Variants in LRRFIP2 observed in about 807,000 individuals in gnomAD.
LRRFIP2 encodes the protein LRR binding FLII interacting protein 2, also known as leucine-rich repeat flightless-interacting protein 2.
In LRRFIP2, 109 loss-of-function variants were observed where a neutral mutation model predicts 125.9. That is an observed-to-expected ratio of 0.87 (90% CI 0.74 to 1.01). LRRFIP2 has a LOEUF of 1.01. Among genes scored for constraint, LRRFIP2 ranks in the 50% least tolerant of loss-of-function variants. The pLI, the probability that LRRFIP2 is intolerant of heterozygous loss-of-function variation, is 0.00. For missense variants in LRRFIP2, 850 were observed against 862.3 expected (o/e 0.99, Z 0.18); for synonymous variants, 291 against 293.1 (o/e 0.99, Z 0.07).
At chr3:37,056,874 C>G (rs2087041115) in intron 25 of LRRFIP2, among the ~76,000 whole-genome samples, 1 of 152,210 alleles carries the variant, frequency 6.6e-6, no homozygotes, top group Non-Finnish European at 1.5e-5. Context: ...TTATCCTCAG[C>G]AATCTATTGA....
chr3:37,106,243 CAG>C (rs1275455069), intron 13 of LRRFIP2, among the ~76,000 whole-genome samples: 3 of 152,172 alleles, frequency 2.0e-5, no homozygotes, highest in African/African-American at 7.2e-5. Flanking sequence ...AAGTCAATGA[CAG>C]AAATTCCTAC....
chr3:37,072,700 C>CA, intron 21 of LRRFIP2, 90 bp downstream of exon 21: 1 of 751,336 alleles, frequency 1.3e-6, no homozygotes, highest in Non-Finnish European at 2.2e-6. Flanking sequence ...CAAGAAGAAT[C>CA]AAAAGGACAG....
chr3:37,072,402 T>G (rs996684206), intron 21 of LRRFIP2, among the ~76,000 whole-genome samples: 4 of 147,612 alleles, frequency 2.7e-5, no homozygotes, highest in Non-Finnish European at 5.9e-5. Context: ...CTCGGGAGGC[T>G]GAGGCAGGAG....
chr3:37,100,445 T>A (rs2149301281), intron 15 of LRRFIP2, among the ~76,000 whole-genome samples: 1 of 152,036 alleles, frequency 6.6e-6, no homozygotes, highest in Middle Eastern at 3.4e-3. Flanking sequence ...CACATGTGTG[T>A]GTCTGTGTGT....
chr3:37,162,697 A>G (rs1013224665), intron 1 of LRRFIP2, among the ~76,000 whole-genome samples: 2 of 152,204 alleles, frequency 1.3e-5, no homozygotes, highest in African/African-American at 4.8e-5. Context: ...GGCAAAAGGG[A>G]ACCTCCAGAA....
chr3:37,055,570 C>CA lies in LRRFIP2; in HGVS notation c.1871-406dup, dbSNP rs201347333. On this transcript the variant is annotated intron_variant, in intron 25 of 27. Transcript: ENST00000336686. ...ACAGAGCGATACTCCGTCCCCCTGC[C>CA]AAAAAAAAATTACAAAATACAAATG... 1.5e-3 allele frequency among the ~76,000 whole-genome samples: 223 copies of CA among 150,920 alleles called. 2 individuals carry two copies. The highest frequency in any genetic ancestry group is 8.9e-3 in the Admixed American group (134 of 15,106).
intron 19 of LRRFIP2, among the ~76,000 whole-genome samples, chr3:37,081,638 C>T (rs1163771792): frequency 2.6e-5 from 4 of 152,038 alleles, no homozygotes; most frequent in Non-Finnish European, 5.9e-5. Flanking sequence ...AATCTCAGCA[C>T]TGTGGGAAGC....
At chr3:37,156,114 A>G (rs892120695) in intron 1 of LRRFIP2, among the ~76,000 whole-genome samples, 2 of 152,034 alleles carry the variant, frequency 1.3e-5, no homozygotes, top group Non-Finnish European at 2.9e-5. Context: ...GGCTCGAGCA[A>G]TCCACCTGCC....
chr3:37,066,567 A>C (rs967432896), intron 21 of LRRFIP2: 7 of 448,850 alleles, frequency 1.6e-5, no homozygotes, highest in African/African-American at 1.4e-4. Context: ...AACATGTTTA[A>C]TCACATCAAG....
At position 37,054,410 on chromosome 3, in the gene LRRFIP2, C is replaced by G; in HGVS notation, c.2055+1G>C. ...TCCAAGAAACATATTAAAAGAAGTA[C>G]CTCTCGTTGTAGCTTCCGTTTTTCT... is the stretch of plus-strand genomic sequence containing the variant. On this transcript the variant is annotated splice_donor_variant, in intron 27 of 27. Transcript: ENST00000336686. LOFTEE classifies it high-confidence loss of function. The G allele has an allele frequency of 1.2e-6, 2 of 1,607,424 alleles. No individual in the cohort carries two copies. The highest frequency in any genetic ancestry group is 1.7e-6 in the Non-Finnish European group (2 of 1,174,612).
intron 7 of LRRFIP2, 35 bp from the exon 8 acceptor site, chr3:37,113,015 TGCATAGC>T: frequency 8.3e-7 from 1 of 1,205,584 alleles, no homozygotes; most frequent in Non-Finnish European, 1.2e-6. Context: ...CTTCAATGAT[TGCATAGC>T]GAAGTTATGA....
intron 1 of LRRFIP2, among the ~76,000 whole-genome samples, chr3:37,168,743 A>G (rs1046984981): frequency 2.0e-5 from 3 of 152,226 alleles, no homozygotes; most frequent in Admixed American, 6.5e-5. Context: ...CAGTGGTCCC[A>G]TAAGATTATA....
intron 19 of LRRFIP2, among the ~76,000 whole-genome samples, chr3:37,076,594 C>T (rs1447496817): frequency 6.6e-6 from 1 of 150,532 alleles, no homozygotes; most frequent in Non-Finnish European, 1.5e-5. Flanking sequence ...AGGCCAGGCA[C>T]GGTGGCTCAC....
intron 2 of LRRFIP2, chr3:37,144,006 G>A (rs980688625): frequency 2.0e-5 from 3 of 152,384 alleles, no homozygotes; most frequent in Non-Finnish European, 2.9e-5. Context: ...CAGACCCTTC[G>A]AGACTGTCAT....
At chr3:37,073,760 A>G (rs1348313527) in intron 20 of LRRFIP2, among the ~76,000 whole-genome samples, 2 of 152,240 alleles carry the variant, frequency 1.3e-5, no homozygotes, top group Non-Finnish European at 2.9e-5. Context: ...CTTAAATGCA[A>G]TTACAATTAA....
intron 15 of LRRFIP2, among the ~76,000 whole-genome samples, chr3:37,102,646 G>A (rs2094125298): frequency 6.6e-6 from 1 of 151,580 alleles, no homozygotes; most frequent in Admixed American, 6.6e-5. Flanking sequence ...TTACAGGTGT[G>A]CGCCCCCACA....
At chr3:37,150,116 C>A (rs139259302) in intron 1 of LRRFIP2, among the ~76,000 whole-genome samples, 2 of 152,276 alleles carry the variant, frequency 1.3e-5, no homozygotes, top group African/African-American at 4.8e-5. Flanking sequence ...TTACCAGGTA[C>A]TATAGGAGGT....
At chr3:37,163,288 T>C (rs866148724) in intron 1 of LRRFIP2, among the ~76,000 whole-genome samples, 6 of 152,230 alleles carry the variant, frequency 3.9e-5, no homozygotes, top group Non-Finnish European at 5.9e-5. Flanking sequence ...TAGGGATACA[T>C]ACCATGGCAG....
chr3:37,104,988 G>T (rs2094246022), intron 14 of LRRFIP2, among the ~76,000 whole-genome samples: 1 of 152,048 alleles, frequency 6.6e-6, no homozygotes, highest in Non-Finnish European at 1.5e-5. Flanking sequence ...GGGATTATAG[G>T]CATGAGCCAC....
Sources: allele counts gnomAD v4.1 joint callset (sites outside exome capture counted in the v4.1 genomes callset), GRCh38; gene constraint gnomAD v4.1.1; transcripts MANE v1.5; gene names NCBI Gene and HGNC (gene_info 2026-07-23, HGNC 2026-07-21).